NCALD: variants seen among roughly 807,000 people sequenced by gnomAD.
NCALD encodes neurocalcin-delta.
Under a neutral mutation model 18.6 loss-of-function variants are expected in NCALD, and 10 were observed. The observed-to-expected ratio is 0.54, with a 90% CI of 0.33 to 0.91. The LOEUF is 0.91. Ranked by LOEUF, NCALD falls within the 40% of genes least tolerant of loss-of-function variation. The pLI, the probability that NCALD is intolerant of heterozygous loss-of-function variation, is 0.03. For synonymous variants in NCALD, 88 were observed against 87.4 expected (o/e 1.01, Z -0.04); for missense variants, 184 against 247.6 (o/e 0.74, Z 1.72).
intron 2 of NCALD, among the ~76,000 whole-genome samples, chr8:101,989,503 G>C (rs1820959766): frequency 6.6e-6 from 1 of 152,192 alleles, no homozygotes; most frequent in South Asian, 2.1e-4. Context: ...AGGATGCTAT[G>C]ACTTTGTTTA....
chr8:102,123,530 A>T (rs1826007397), intron 1 of NCALD, among the ~76,000 whole-genome samples: 2 of 151,956 alleles, frequency 1.3e-5, no homozygotes, highest in African/African-American at 4.8e-5. Context: ...GGCTGATACA[A>T]CCCACTTTGC....
intron 1 of NCALD, among the ~76,000 whole-genome samples, chr8:102,069,351 A>C (rs34093878): frequency 2.0e-5 from 3 of 152,076 alleles, no homozygotes; most frequent in African/African-American, 7.2e-5. Flanking sequence ...AATTAAAAAT[A>C]AAATAAAATT....
At chr8:101,843,582 G>GTTTTTTTTTT (rs369393213) in intron 4 of NCALD, among the ~76,000 whole-genome samples, 24,125 of 120,896 alleles carry the variant, frequency 0.2, 3,753 homozygotes, top group African/African-American at 0.34. Flanking sequence ...TTTAAAAATT[G>GTTTTTTTTTT]TTTTTTTTTT....
intron 4 of NCALD, among the ~76,000 whole-genome samples, chr8:101,805,626 G>A (rs956232203): frequency 2.0e-5 from 3 of 152,182 alleles, no homozygotes; most frequent in Non-Finnish European, 4.4e-5. Flanking sequence ...CCGTCCATAA[G>A]AACAGAGAGC....
chr8:101,896,156 C>A (rs1202535160), intron 3 of NCALD, among the ~76,000 whole-genome samples: 1 of 151,608 alleles, frequency 6.6e-6, no homozygotes, highest in African/African-American at 2.4e-5. Flanking sequence ...GGTACTGGTA[C>A]CAAAACAGAG....
chr8:102,040,138 T>C (rs1203685514), intron 1 of NCALD, among the ~76,000 whole-genome samples: 1 of 152,212 alleles, frequency 6.6e-6, no homozygotes, highest in Non-Finnish European at 1.5e-5. Flanking sequence ...ACATAAAGTC[T>C]AGCTTATAGT....
At chr8:102,006,634 C>T (rs1821723925) in intron 2 of NCALD, among the ~76,000 whole-genome samples, 1 of 152,188 alleles carries the variant, frequency 6.6e-6, no homozygotes, top group Non-Finnish European at 1.5e-5. Context: ...CTGACCCCCT[C>T]CACTCCTCTG....
chr8:101,993,757 C>A (rs1821137009), intron 2 of NCALD, among the ~76,000 whole-genome samples: 1 of 152,202 alleles, frequency 6.6e-6, no homozygotes, highest in African/African-American at 2.4e-5. Flanking sequence ...CTTCTTGAAG[C>A]AATGTGGCAG....
intron 1 of NCALD, among the ~76,000 whole-genome samples, chr8:101,758,031 C>G (rs1020442852): frequency 3.5e-4 from 53 of 152,142 alleles, no homozygotes; most frequent in African/African-American, 1.2e-3. Context: ...CTCAAACATT[C>G]CTCCTGCATC....
At chr8:102,060,629 G>C (rs560222999) in intron 1 of NCALD, among the ~76,000 whole-genome samples, 18 of 152,276 alleles carry the variant, frequency 1.2e-4, no homozygotes, top group Non-Finnish European at 1.5e-4. Context: ...GATTAAAACA[G>C]ATCAGCCACA....
chr8:101,909,851 C>T (rs74647710), intron 3 of NCALD, among the ~76,000 whole-genome samples: 2,211 of 152,170 alleles, frequency 0.015, 44 homozygotes, highest in African/African-American at 0.05. Context: ...TTGACATTTC[C>T]GTTTTTTAAT....
At chr8:101,795,927 C>T (rs570471239), upstream of NCALD, among the ~76,000 whole-genome samples, 39 of 152,274 alleles carry the variant, frequency 2.6e-4, no homozygotes, top group Middle Eastern at 3.4e-3. Context: ...AATTCCTAAA[C>T]GGCATAAGAC....
chr8:101,788,970 T>C (rs543487429), intron 1 of NCALD: 2 of 152,342 alleles, frequency 1.3e-5, no homozygotes, highest in African/African-American at 2.4e-5. Flanking sequence ...AACTTCATCA[T>C]TGAGATTTTG....
rs139449214 is a variant in NCALD at position 101,957,619 on chromosome 8, C to T, written c.-156-41761G>A. Among the ~76,000 whole-genome samples, 585 of 152,158 alleles carry T rather than the reference C, an allele frequency of 3.8e-3. 5 individuals carry two copies. The highest frequency in any genetic ancestry group is 0.013 in the African/African-American group (544 of 41,522). ...AGTCTCCTAAAATGTGAAAGGGACACAAAGTGAACAGAGCACTTGAGGAAT... is the reference window on the plus strand; with the variant it reads ...AGTCTCCTAAAATGTGAAAGGGACATAAAGTGAACAGAGCACTTGAGGAAT... On this transcript the variant is annotated intron_variant, in intron 2 of 6. Transcript: ENST00000311028.
intron 1 of NCALD, among the ~76,000 whole-genome samples, chr8:102,121,243 G>A (rs772153859): frequency 6.6e-6 from 1 of 152,008 alleles, no homozygotes; most frequent in Non-Finnish European, 1.5e-5. Context: ...TGTTTACAAC[G>A]CTTTAAAAAT....
At chr8:102,045,450 C>T (rs979041887) in intron 1 of NCALD, among the ~76,000 whole-genome samples, 11 of 152,130 alleles carry the variant, frequency 7.2e-5, no homozygotes, top group African/African-American at 2.4e-4. Context: ...TTCTTTATTA[C>T]ATAACTGAAT....
chr8:101,982,397 C>T (rs1040960480), intron 2 of NCALD, among the ~76,000 whole-genome samples: 1 of 152,190 alleles, frequency 6.6e-6, no homozygotes, highest in African/African-American at 2.4e-5. Flanking sequence ...ATAAGTTTTA[C>T]AGTTTACAAA....
chr8:101,697,820 C>G (rs961482316), intron 2 of NCALD, among the ~76,000 whole-genome samples: 13 of 151,960 alleles, frequency 8.6e-5, no homozygotes, highest in African/African-American at 2.9e-4. Flanking sequence ...TATGACAAAC[C>G]CACAGCCAAT....
At chr8:101,959,151 T>G (rs923353483) in intron 2 of NCALD, among the ~76,000 whole-genome samples, 1 of 152,194 alleles carries the variant, frequency 6.6e-6, no homozygotes, top group Admixed American at 6.5e-5. Context: ...CTATTTATCT[T>G]CCTTCAATCT....
Sources: allele counts gnomAD v4.1 joint callset (sites outside exome capture counted in the v4.1 genomes callset), GRCh38; gene constraint gnomAD v4.1.1; transcripts MANE v1.5; gene names NCBI Gene and HGNC (gene_info 2026-07-23, HGNC 2026-07-21).